Variants in TECPR2 observed in about 807,000 individuals in gnomAD.
TECPR2 encodes tectonin beta-propeller repeat containing 2, also known as tectonin beta-propeller repeat-containing protein 2.
A neutral mutation model predicts 138.1 loss-of-function variants in TECPR2; 65 were observed. The observed-to-expected ratio is 0.47, with a 90% confidence interval of 0.39 to 0.58. The LOEUF is 0.58. TECPR2 is among the 20% of genes least tolerant of loss of function. The pLI is 0.00. For missense variants in TECPR2, 1,553 were observed against 1,824.5 expected, an observed-to-expected ratio of 0.85 and a Z score of 2.71; for synonymous variants, 746 against 749.8, an observed-to-expected ratio of 0.99 and a Z score of 0.08.
intron 2 of TECPR2, among the ~76,000 whole-genome samples, chr14:102,383,951 G>A (rs936885037): frequency 7.0e-6 from 1 of 143,094 alleles, no homozygotes; most frequent in African/African-American, 2.6e-5. Flanking sequence ...ATGGAGTTTC[G>A]CTCTTGTTGC....
chr14:102,485,659 C>T (rs1221891436), intron 17 of TECPR2, among the ~76,000 whole-genome samples: 2 of 152,168 alleles, frequency 1.3e-5, no homozygotes, highest in South Asian at 2.1e-4. Flanking sequence ...GCCTGCCCTG[C>T]GTGTGCCCCC....
rs200175137 is a variant in TECPR2 at position 102,449,679 on chromosome 14, G to T, written c.3126G>T (p.Thr1042=). The change falls in exon 14 of 20, where the codon ACG becomes ACT. Residue 1042 remains threonine (T), a synonymous_variant. Coordinates refer to ENST00000359520, the MANE Select transcript of TECPR2 (RefSeq NM_014844.5). The stretch of plus-strand genomic sequence containing the variant: ...TTGACCAGTGCAGCTTATTTCAGAC[G>T]ATAATCCATGCCACTCACTCGGTGG... The part of the protein sequence containing the change: ...VVFDQCSLFQ[T]IIHATHSVAT... 1.9e-6 allele frequency: 3 copies of T among 1,614,146 alleles called. No homozygotes were observed. Among genetic ancestry groups the T allele is most frequent in the Non-Finnish European group, 2.5e-6 (3 of 1,180,052 alleles).
intron 2 of TECPR2, among the ~76,000 whole-genome samples, chr14:102,384,755 A>G (rs1249582158): frequency 4.0e-5 from 6 of 148,526 alleles, no homozygotes; most frequent in African/African-American, 1.2e-4. Context: ...ATGTGTGTGT[A>G]TATATATATA....
At chr14:102,483,397 T>A (rs914868087) in intron 17 of TECPR2, among the ~76,000 whole-genome samples, 36 of 121,758 alleles carry the variant, frequency 3.0e-4, no homozygotes, top group Non-Finnish European at 5.2e-4. Flanking sequence ...TTTTTGTGTG[T>A]TGTTGTTGTT....
In TECPR2 at chr14:102,363,029, A is replaced by C; in HGVS notation, c.-160A>C. The C allele has an allele frequency of 1.3e-6, 1 of 776,694 alleles. No individual in the cohort carries two copies. Among genetic ancestry groups the C allele is most frequent in the African/African-American group, 1.8e-5 (1 of 56,094 alleles). 48.1% of individuals were successfully genotyped at this position (776,694 alleles called of 1,614,324 possible). On this transcript the variant is annotated 5_prime_UTR_variant, in exon 1 of 20. Transcript: ENST00000359520. Reference sequence around the variant, plus strand: ...GTGCCGGCCCCGTTGCCCAGGGAACAGGCTCCCGGCAGCCCCCGCGGCCCG... The same window carrying C: ...GTGCCGGCCCCGTTGCCCAGGGAACCGGCTCCCGGCAGCCCCCGCGGCCCG...
At chr14:102,366,394 T>C (rs1887347805) in intron 1 of TECPR2, among the ~76,000 whole-genome samples, 1 of 152,254 alleles carries the variant, frequency 6.6e-6, no homozygotes, top group South Asian at 2.1e-4. Flanking sequence ...TCACCCAGGC[T>C]GGAGTGCAGT....
chr14:102,465,119 G>A (rs1395180364), intron 16 of TECPR2, 22 bp from the exon 17 acceptor site: 1 of 1,612,410 alleles, frequency 6.2e-7, no homozygotes, highest in African/African-American at 1.3e-5. Context: ...ATTATAGTGT[G>A]TGTACTTTTC....
At chr14:102,428,207 A>C in intron 6 of TECPR2, 43 bp from the exon 7 acceptor site, 1 of 1,396,804 alleles carries the variant, frequency 7.2e-7, no homozygotes, top group Non-Finnish European at 9.3e-7. Context: ...ACCGTTGTTT[A>C]GTTTTGTGTT....
chr14:102,487,755 A>G (rs1237595590), intron 17 of TECPR2, among the ~76,000 whole-genome samples: 4 of 150,718 alleles, frequency 2.7e-5, no homozygotes, highest in Admixed American at 1.3e-4. Flanking sequence ...GTTAGCCAGG[A>G]TGGTCTCAAT....
At chr14:102,379,465 C>G (rs930721908) in intron 2 of TECPR2, among the ~76,000 whole-genome samples, 4 of 151,130 alleles carry the variant, frequency 2.6e-5, no homozygotes, top group Non-Finnish European at 5.9e-5. Flanking sequence ...AAAATCCATG[C>G]ACAGAGGCGT....
Position 102,498,965 on chromosome 14 carries a change from CACACA to C in TECPR2, c.*714_*718del, listed in dbSNP as rs1183843782. 5.7e-6 allele frequency: 4 copies of C among 697,264 alleles called. No individual in the cohort carries two copies. Among genetic ancestry groups the C allele is most frequent in the South Asian group, 3.0e-5 (2 of 66,682 alleles). The allele number at this position is 697,264 out of a possible 1,614,324, so 43.2% of individuals were successfully genotyped here. ...CTCACCACACCACAGCACACCTCAC[CACACA>C]ACACACCACACCCCACACCGCACTG... On this transcript the variant is annotated 3_prime_UTR_variant, in exon 20 of 20. Transcript: ENST00000359520.
chr14:102,465,516 T>C, intron 17 of TECPR2: 1 of 1,246,650 alleles, frequency 8.0e-7, no homozygotes, highest in Non-Finnish European at 1.0e-6. Flanking sequence ...TCAACACGTA[T>C]ATTTTCTCTT....
Position 102,501,622 on chromosome 14 carries a change from A to C in TECPR2, c.*3365A>C, listed in dbSNP as rs1271210034. On this transcript the variant is annotated 3_prime_UTR_variant, in exon 20 of 20. Coordinates refer to ENST00000359520, the MANE Select transcript of TECPR2 (RefSeq NM_014844.5). ...TCAAAGAAGGGAAATAATTGCAACA[A>C]ATGGGAATTGATGTTGAATATTTAC... is the stretch of plus-strand genomic sequence containing the variant. The C allele has an allele frequency of 6.6e-6, 1 of 152,226 alleles. No individual in the cohort carries two copies. The highest frequency in any genetic ancestry group is 1.5e-5 in the Non-Finnish European group (1 of 68,044). 9.4% of individuals were successfully genotyped at this position (152,226 alleles called of 1,614,324 possible). A position where few individuals can be genotyped will look rare whatever the true frequency, so the allele number is the denominator to read the frequency against.
chr14:102,498,427 C>A lies in TECPR2; in HGVS notation c.*170C>A. The A allele has an allele frequency of 2.3e-6, 2 of 868,818 alleles. No individual in the cohort carries two copies. Among genetic ancestry groups the A allele is most frequent in the Non-Finnish European group, 3.4e-6 (2 of 582,464 alleles). 53.8% of individuals were successfully genotyped at this position (868,818 alleles called of 1,614,324 possible). A position where few individuals can be genotyped will look rare whatever the true frequency, so the allele number is the denominator to read the frequency against. ...TGTTGGTTTCTGTCTCGTTCCAGAACCCACAGCCTCCACCCGTGGCTGGCG... is the reference window on the plus strand; with the variant it reads ...TGTTGGTTTCTGTCTCGTTCCAGAAACCACAGCCTCCACCCGTGGCTGGCG... On this transcript the variant is annotated 3_prime_UTR_variant, in exon 20 of 20. Coordinates refer to ENST00000359520, the MANE Select transcript of TECPR2 (RefSeq NM_014844.5).
At chr14:102,490,032 A>AT (rs1432312265) in intron 17 of TECPR2, among the ~76,000 whole-genome samples, 2 of 152,178 alleles carry the variant, frequency 1.3e-5, no homozygotes, top group Non-Finnish European at 2.9e-5. Flanking sequence ...CAAAAAAAAA[A>AT]TACAGTGAGT....
intron 6 of TECPR2, among the ~76,000 whole-genome samples, chr14:102,426,185 C>T (rs997589743): frequency 5.9e-5 from 9 of 151,958 alleles, no homozygotes; most frequent in Admixed American, 1.3e-4. Flanking sequence ...CGCGCCCGGC[C>T]GCCACTTGGT....
At chr14:102,461,502 A>G (rs1890409482) in intron 16 of TECPR2, among the ~76,000 whole-genome samples, 2 of 152,164 alleles carry the variant, frequency 1.3e-5, no homozygotes, top group South Asian at 4.1e-4. Context: ...GAATAAAGTA[A>G]TTAAAGCATT....
At chr14:102,461,817 A>G (rs1890418421) in intron 16 of TECPR2, among the ~76,000 whole-genome samples, 1 of 152,078 alleles carries the variant, frequency 6.6e-6, no homozygotes, top group South Asian at 2.1e-4. Context: ...CTCTAAGGGA[A>G]TGTGAGGGAG....
Position 102,379,680 on chromosome 14 carries a change from CTTAGT to C in TECPR2, c.219+2741_219+2745del, listed in dbSNP as rs1308473422. On this transcript the variant is annotated intron_variant, in intron 2 of 19. Transcript: ENST00000359520. ...TCTTAAAATCCATGCACAGAGGCAT[CTTAGT>C]CACACTGCTGAAGATCACCATCTTA... Among the ~76,000 whole-genome samples, 109 of 140,826 alleles carry C rather than the reference CTTAGT, an allele frequency of 7.7e-4. 2 individuals are homozygous for C. Among genetic ancestry groups the C allele is most frequent in the Admixed American group, 1.1e-3 (15 of 14,256 alleles). 92.4% of individuals were successfully genotyped at this position (140,826 alleles called of 152,430 possible). A position where few individuals can be genotyped will look rare whatever the true frequency, so the allele number is the denominator to read the frequency against.
Sources: gnomAD v4.1 joint callset for allele counts (sites outside exome capture counted in the v4.1 genomes callset) on GRCh38, gnomAD v4.1.1 for gene constraint, MANE v1.5 for transcripts, NCBI Gene and HGNC (gene_info 2026-07-23, HGNC 2026-07-21) for gene names.